Variants in SLC16A7 observed in about 807,000 individuals in gnomAD.
The protein encoded by SLC16A7 is solute carrier family 16 member 7.
Under a neutral mutation model 34.9 loss-of-function variants are expected in SLC16A7, and 33 were observed. The observed-to-expected ratio is 0.94, with a 90% CI of 0.72 to 1.26. The LOEUF is 1.26. Among genes scored for constraint, SLC16A7 ranks in the 50% most tolerant of loss-of-function variants. The pLI, the probability that SLC16A7 is intolerant of heterozygous loss-of-function variation, is 0.00. For missense variants in SLC16A7, 573 were observed against 578.1 expected (o/e 0.99, Z 0.09); for synonymous variants, 201 against 206.6 (o/e 0.97, Z 0.23).
At chr12:59,691,242 A>C (rs1286274056) in intron 2 of SLC16A7, among the ~76,000 whole-genome samples, 2 of 152,036 alleles carry the variant, frequency 1.3e-5, no homozygotes, top group African/African-American at 4.8e-5. Flanking sequence ...TATTTGGACC[A>C]AGCTTGCGGA....
At chr12:59,643,216 G>T (rs1176838404) in intron 1 of SLC16A7, among the ~76,000 whole-genome samples, 2 of 152,094 alleles carry the variant, frequency 1.3e-5, no homozygotes, top group Non-Finnish European at 2.9e-5. Flanking sequence ...GGGTAAGAAA[G>T]CTCAATCCAA....
chr12:59,664,311 A>G (rs952146042), intron 2 of SLC16A7, among the ~76,000 whole-genome samples: 1 of 152,152 alleles, frequency 6.6e-6, no homozygotes, highest in African/African-American at 2.4e-5. Context: ...CGAAGATGGT[A>G]CTAATGATCT....
At chr12:59,748,963 C>T (rs550642150) in intron 3 of SLC16A7, among the ~76,000 whole-genome samples, 10 of 152,202 alleles carry the variant, frequency 6.6e-5, no homozygotes, top group Admixed American at 1.3e-4. Context: ...AAAAATGTCA[C>T]GATAACAGGA....
chr12:59,703,043 CATA>C lies in SLC16A7; in HGVS notation c.-30-1724_-30-1722del, dbSNP rs1487196017. Among the ~76,000 whole-genome samples the C allele has an allele frequency of 9.2e-5, 14 of 152,142 alleles. No individual in the cohort carries two copies. The South Asian group carries it at 2.9e-3, about 32-fold the overall frequency. Reference sequence around the variant, plus strand: ...CTGAAAATAAAAAGCATTTATTTAGCATAATAAGTACACAGTATTTATTGAGTG... The same window carrying C: ...CTGAAAATAAAAAGCATTTATTTAGCATAAGTACACAGTATTTATTGAGTG... On this transcript the variant is annotated intron_variant, in intron 2 of 5. Transcript: ENST00000547379.
At chr12:59,684,988 G>A (rs1871042264) in intron 2 of SLC16A7, among the ~76,000 whole-genome samples, 1 of 152,066 alleles carries the variant, frequency 6.6e-6, no homozygotes, top group African/African-American at 2.4e-5. Flanking sequence ...ATCCCCAGAG[G>A]ACTGTGTGTG....
chr12:59,658,174 TA>T (rs1253432366), intron 2 of SLC16A7, among the ~76,000 whole-genome samples: 2 of 152,044 alleles, frequency 1.3e-5, no homozygotes, highest in Admixed American at 6.6e-5. Context: ...TGTGTTTTAG[TA>T]AAATGAGATT....
chr12:59,752,251 C>T (rs12824910), intron 3 of SLC16A7, among the ~76,000 whole-genome samples: 18,609 of 152,054 alleles, frequency 0.12, 1,479 homozygotes, highest in African/African-American at 0.22. Context: ...CAAAGCTGGA[C>T]GGAGAATGAC....
chr12:59,779,731 T>C lies in SLC16A7; in HGVS notation c.*52T>C. 4.9e-6 allele frequency: 7 copies of C among 1,442,158 alleles called. No individual in the cohort carries two copies. The highest frequency in any genetic ancestry group is 4.2e-5 in the South Asian group (3 of 71,328). The allele number at this position is 1,442,158 out of a possible 1,614,324, so 89.3% of individuals were successfully genotyped here. A position where few individuals can be genotyped will look rare whatever the true frequency, so the allele number is the denominator to read the frequency against. ...TTTATGACTTTATCTAGGAGTTTGT[T>C]TTTCATTTTGTTTTTTTAAAGTATT... is the stretch of plus-strand genomic sequence containing the variant. On this transcript the variant is annotated 3_prime_UTR_variant, in exon 6 of 6. Coordinates refer to ENST00000547379, the MANE Select transcript of SLC16A7 (RefSeq NM_001270623.2).
At chr12:59,775,911 AT>A (rs1882713591) in intron 5 of SLC16A7, among the ~76,000 whole-genome samples, 1 of 152,172 alleles carries the variant, frequency 6.6e-6, no homozygotes, top group Non-Finnish European at 1.5e-5. Context: ...GGATATATTA[AT>A]TTGAAATTTG....
intron 2 of SLC16A7, among the ~76,000 whole-genome samples, chr12:59,660,706 C>T (rs1592446488): frequency 6.6e-6 from 1 of 151,828 alleles, no homozygotes; most frequent in East Asian, 1.9e-4. Flanking sequence ...GAGACCCTGT[C>T]ACAAAATTGA....
At chr12:59,749,898 G>C (rs1472166131) in intron 3 of SLC16A7, among the ~76,000 whole-genome samples, 1 of 152,134 alleles carries the variant, frequency 6.6e-6, no homozygotes, top group Non-Finnish European at 1.5e-5. Flanking sequence ...ACTTGATGGA[G>C]ATGAAAGTTT....
In SLC16A7 at chr12:59,629,889, A is replaced by ACATGCTT. The variant is rs367623574; in HGVS notation, c.-129-25261_-129-25255dup. ...TTTGAATTTTTTCTCACTGATAGAAACATGCTTCTGGAACTCATTGTGTAT... is the reference window on the plus strand; with the variant it reads ...TTTGAATTTTTTCTCACTGATAGAAACATGCTTCATGCTTCTGGAACTCATTGTGTAT... On this transcript the variant is annotated intron_variant, in intron 1 of 5. Coordinates refer to ENST00000547379, the MANE Select transcript of SLC16A7 (RefSeq NM_001270623.2). Among the ~76,000 whole-genome samples, 743 of 152,036 alleles carry ACATGCTT rather than the reference A, an allele frequency of 4.9e-3. 9 individuals carry two copies. Among genetic ancestry groups the ACATGCTT allele is most frequent in the African/African-American group, 0.018 (730 of 41,534 alleles).
intron 3 of SLC16A7, among the ~76,000 whole-genome samples, chr12:59,743,069 G>A (rs1430273625): frequency 1.3e-5 from 2 of 152,184 alleles, no homozygotes; most frequent in Non-Finnish European, 2.9e-5. Context: ...GGCTGCAGAA[G>A]AAGCAATGCT....
intron 1 of SLC16A7, among the ~76,000 whole-genome samples, chr12:59,647,364 T>A (rs893682775): frequency 6.6e-6 from 1 of 152,110 alleles, no homozygotes; most frequent in African/African-American, 2.4e-5. Flanking sequence ...ATAAGGGGCT[T>A]CCCTCTTCGT....
At chr12:59,756,137 C>G (rs1880311944) in intron 3 of SLC16A7, among the ~76,000 whole-genome samples, 1 of 152,028 alleles carries the variant, frequency 6.6e-6, no homozygotes, top group African/African-American at 2.4e-5. Flanking sequence ...AACGTTAGAC[C>G]TAAAACCATA....
At chr12:59,687,245 C>A (rs1871233906) in intron 2 of SLC16A7, among the ~76,000 whole-genome samples, 1 of 151,960 alleles carries the variant, frequency 6.6e-6, no homozygotes, top group African/African-American at 2.4e-5. Flanking sequence ...ATCTTTCAAT[C>A]CTGCAAGTCC....
chr12:59,767,471 A>T (rs765974445), intron 3 of SLC16A7, among the ~76,000 whole-genome samples: 5 of 152,020 alleles, frequency 3.3e-5, no homozygotes, highest in Non-Finnish European at 7.4e-5. Context: ...TTAGGGCCCA[A>T]TGAAGCTGGT....
At chr12:59,598,449 T>G (rs888011131) in intron 1 of SLC16A7, among the ~76,000 whole-genome samples, 4 of 152,142 alleles carry the variant, frequency 2.6e-5, no homozygotes, top group Non-Finnish European at 1.5e-5. Context: ...TAGTCAGTCA[T>G]TCAGGTTAAT....
At chr12:59,762,327 G>A (rs974903982) in intron 3 of SLC16A7, among the ~76,000 whole-genome samples, 3 of 152,020 alleles carry the variant, frequency 2.0e-5, no homozygotes, top group African/African-American at 7.2e-5. Flanking sequence ...ATTCTAGCTT[G>A]AATATCGAAA....
Sources: allele counts gnomAD v4.1 joint callset (sites outside exome capture counted in the v4.1 genomes callset), GRCh38; gene constraint gnomAD v4.1.1; transcripts MANE v1.5; gene names NCBI Gene and HGNC (gene_info 2026-07-23, HGNC 2026-07-21).